Variants in DIAPH2 observed in about 807,000 individuals in gnomAD.
The protein encoded by DIAPH2 is protein diaphanous homolog 2.
DIAPH2 carries 35 observed loss-of-function variants against 92.7 expected under a neutral mutation model. The observed-to-expected ratio is 0.38, with a 90% CI of 0.29 to 0.50. The LOEUF (loss-of-function observed/expected upper bound fraction) is 0.50, where lower values mean the gene tolerates loss of function less well. DIAPH2 is among the 20% of genes least tolerant of loss of function. DIAPH2 has a pLI of 0.94. For synonymous variants in DIAPH2, 301 were observed against 280.4 expected, an observed-to-expected ratio of 1.07 and a Z score of -0.73; for missense variants, 701 against 819.5, an observed-to-expected ratio of 0.86 and a Z score of 1.77.
At chrX:97,558,330 G>T (rs1458395279) in intron 26 of DIAPH2, among the ~76,000 whole-genome samples, 1 of 112,261 alleles carries the variant, frequency 8.9e-6, no homozygotes, top group Non-Finnish European at 1.9e-5. Flanking sequence ...ATAAAAAGTG[G>T]TTTTCCTAGA....
At chrX:96,787,200 T>G (rs2064463022) in intron 4 of DIAPH2, among the ~76,000 whole-genome samples, 1 of 111,868 alleles carries the variant, frequency 8.9e-6, no homozygotes, top group African/African-American at 3.2e-5. Flanking sequence ...GGAATTCACG[T>G]ATATAAAACA....
chrX:96,900,586 G>A (rs1200110104), intron 5 of DIAPH2, among the ~76,000 whole-genome samples: 3 of 111,160 alleles, frequency 2.7e-5, no homozygotes, highest in African/African-American at 9.8e-5. Context: ...GTTGGCTTTG[G>A]GTTGGTCATA....
chrX:97,139,842 CAT>C (rs1369957545), intron 21 of DIAPH2, among the ~76,000 whole-genome samples: 1 of 108,341 alleles, frequency 9.2e-6, no homozygotes, highest in Non-Finnish European at 1.9e-5. Flanking sequence ...CAATCTAACA[CAT>C]GTGACAAAGA....
intron 26 of DIAPH2, among the ~76,000 whole-genome samples, chrX:97,550,179 T>C (rs980302681): frequency 2.7e-5 from 3 of 111,442 alleles, no homozygotes; most frequent in African/African-American, 9.8e-5. Context: ...GCCAACACGA[T>C]GAAACCTTGT....
At chrX:97,448,886 T>G (rs895948554) in intron 26 of DIAPH2, among the ~76,000 whole-genome samples, 1 of 112,012 alleles carries the variant, frequency 8.9e-6, no homozygotes, top group African/African-American at 3.2e-5. Context: ...GACTGATGGC[T>G]TAATATAATA....
chrX:97,062,246 T>C (rs2066604248), intron 17 of DIAPH2, among the ~76,000 whole-genome samples: 1 of 112,045 alleles, frequency 8.9e-6, no homozygotes, highest in African/African-American at 3.2e-5. Flanking sequence ...ATTCCAAGAT[T>C]TGGAAGATAT....
chrX:97,433,788 C>A lies in DIAPH2; in HGVS notation c.3241+4043C>A, dbSNP rs757047923. On this transcript the variant is annotated intron_variant, in intron 26 of 26. Transcript: ENST00000324765. The stretch of plus-strand genomic sequence containing the variant: ...AGATAAGATTTCCTTAGTTATAAGA[C>A]CCTGTGTATTATAGGAACGATAAAA... Among the ~76,000 whole-genome samples, 3 of 111,844 alleles carry A rather than the reference C, an allele frequency of 2.7e-5. No homozygotes were observed. In the East Asian group the frequency reaches 8.4e-4, roughly 31 times the overall value.
At chrX:97,398,115 T>A (rs2069722046) in intron 25 of DIAPH2, among the ~76,000 whole-genome samples, 1 of 112,404 alleles carries the variant, frequency 8.9e-6, no homozygotes, top group Non-Finnish European at 1.9e-5. Flanking sequence ...TGAAACTACC[T>A]CCCCTGTGTC....
At chrX:97,025,892 C>T (rs1192280139) in intron 17 of DIAPH2, among the ~76,000 whole-genome samples, 1 of 111,434 alleles carries the variant, frequency 9.0e-6, no homozygotes, top group South Asian at 3.8e-4. Flanking sequence ...GGGAAAGAAC[C>T]TATTCTTCCT....
At chrX:97,321,544 ATTTTTTTTTTTTTTT>A (rs72265655) in intron 23 of DIAPH2, among the ~76,000 whole-genome samples, 4 of 48,416 alleles carry the variant, frequency 8.3e-5, no homozygotes, top group Non-Finnish European at 7.3e-5. Flanking sequence ...TTGTGTTGTT[ATTTTTTTTTTTTTTT>A]TTTTTTTTGA....
intron 5 of DIAPH2, among the ~76,000 whole-genome samples, chrX:96,888,568 CAG>C (rs2065282201): frequency 2.1e-5 from 1 of 46,822 alleles, no homozygotes; most frequent in Non-Finnish European, 3.4e-5. Context: ...TATATATACA[CAG>C]ATATATATAT....
chrX:97,536,874 A>G (rs768259178), intron 26 of DIAPH2, among the ~76,000 whole-genome samples: 2 of 112,204 alleles, frequency 1.8e-5, no homozygotes, highest in Non-Finnish European at 3.8e-5. Context: ...CTGCTGAATT[A>G]TAAGCACGGT....
intron 22 of DIAPH2, among the ~76,000 whole-genome samples, chrX:97,195,785 A>G (rs1036235733): frequency 4.5e-5 from 5 of 110,734 alleles, no homozygotes; most frequent in Non-Finnish European, 9.4e-5. Flanking sequence ...CGACATATTA[A>G]AAAAATAAAA....
At chrX:97,005,908 CTT>C (rs58056111) in intron 17 of DIAPH2, among the ~76,000 whole-genome samples, 883 of 68,154 alleles carry the variant, frequency 0.013, 12 homozygotes, top group East Asian at 0.06. Context: ...TGAAGTTTTT[CTT>C]TTTTTTTTTT....
chrX:97,128,191 C>T (rs5966991), intron 21 of DIAPH2, among the ~76,000 whole-genome samples: 16,232 of 111,023 alleles, frequency 0.15, 1,436 homozygotes, highest in African/African-American at 0.32. Context: ...GGTTATTTCC[C>T]GATGATATGC....
At chrX:96,762,240 A>T (rs186844481) in intron 4 of DIAPH2, among the ~76,000 whole-genome samples, 1 of 111,418 alleles carries the variant, frequency 9.0e-6, no homozygotes, top group Non-Finnish European at 1.9e-5. Context: ...GTTTAGGACT[A>T]TGAGTTTACT....
At chrX:97,279,863 A>G (rs961120528) in intron 23 of DIAPH2, among the ~76,000 whole-genome samples, 19 of 111,624 alleles carry the variant, frequency 1.7e-4, no homozygotes, top group Admixed American at 1.9e-4. Context: ...TGCTAGTGAG[A>G]AGAAAGGTGA....
intron 25 of DIAPH2, among the ~76,000 whole-genome samples, chrX:97,415,312 A>G (rs2069931234): frequency 8.9e-6 from 1 of 112,097 alleles, no homozygotes; most frequent in Admixed American, 9.5e-5. Context: ...TCAAGGATCT[A>G]GAACTAGAAA....
intron 23 of DIAPH2, among the ~76,000 whole-genome samples, chrX:97,325,103 A>T (rs1416596991): frequency 1.8e-5 from 2 of 112,039 alleles, no homozygotes; most frequent in African/African-American, 6.5e-5. Flanking sequence ...CCCGGCCAAT[A>T]AATTATTTTT....
Sources: allele counts gnomAD v4.1 joint callset (sites outside exome capture counted in the v4.1 genomes callset), GRCh38; gene constraint gnomAD v4.1.1; transcripts MANE v1.5; gene names NCBI Gene and HGNC (gene_info 2026-07-23, HGNC 2026-07-21).